Variants in DNAI1 observed in about 807,000 individuals in gnomAD.
DNAI1 encodes the protein dynein axonemal intermediate chain 1.
Under a neutral mutation model 92.0 loss-of-function variants are expected in DNAI1, and 67 were observed. The observed-to-expected ratio is 0.73, with a 90% confidence interval of 0.60 to 0.89. The LOEUF is 0.89. Ranked by LOEUF, DNAI1 falls within the 40% of genes least tolerant of loss-of-function variation. The pLI, the probability that DNAI1 is intolerant of heterozygous loss-of-function variation, is 0.00. For synonymous variants in DNAI1, 323 were observed against 319.6 expected, an observed-to-expected ratio of 1.01 and a Z score of -0.11; for missense variants, 839 against 866.6, an observed-to-expected ratio of 0.97 and a Z score of 0.40.
At chr9:34,473,271 A>AGCT (rs1824174172) in intron 1 of DNAI1, among the ~76,000 whole-genome samples, 1 of 126,586 alleles carries the variant, frequency 7.9e-6, no homozygotes, top group African/African-American at 3.3e-5. Context: ...GGCTAAATCA[A>AGCT]GCTTATTATT....
At chr9:34,490,171 G>T in intron 6 of DNAI1, 47 bp downstream of exon 6, 1 of 1,613,488 alleles carries the variant, frequency 6.2e-7, no homozygotes, top group Non-Finnish European at 8.5e-7. Context: ...AGCTCAAGCT[G>T]TGGATGGAGG....
intron 1 of DNAI1, among the ~76,000 whole-genome samples, chr9:34,481,494 A>G (rs548258549): frequency 4.3e-4 from 65 of 152,224 alleles, no homozygotes; most frequent in African/African-American, 1.1e-3. Context: ...GGAAGGCTCA[A>G]CCTCCTTTTG....
At chr9:34,479,627 G>A (rs1456693363) in intron 1 of DNAI1, among the ~76,000 whole-genome samples, 2 of 152,142 alleles carry the variant, frequency 1.3e-5, no homozygotes, top group African/African-American at 2.4e-5. Flanking sequence ...GGTTTGGGTT[G>A]GGATTGGCCC....
intron 1 of DNAI1, among the ~76,000 whole-genome samples, chr9:34,474,394 C>G (rs1394824258): frequency 6.6e-6 from 1 of 151,616 alleles, no homozygotes; most frequent in Non-Finnish European, 1.5e-5. Context: ...AACACCACGC[C>G]TGGCTAATTT....
intron 1 of DNAI1, among the ~76,000 whole-genome samples, chr9:34,468,330 G>A (rs1354060854): frequency 9.3e-5 from 14 of 150,236 alleles, no homozygotes; most frequent in Admixed American, 8.0e-4. Context: ...TAAGGCGCCC[G>A]CCACCACGCC....
intron 1 of DNAI1, among the ~76,000 whole-genome samples, chr9:34,459,394 T>C (rs1823895812): frequency 6.6e-6 from 1 of 152,170 alleles, no homozygotes; most frequent in African/African-American, 2.4e-5. Flanking sequence ...CCTTCCTCCT[T>C]GTTCTCACAT....
chr9:34,513,621 G>A (rs1048311413), intron 16 of DNAI1, among the ~76,000 whole-genome samples: 1 of 152,224 alleles, frequency 6.6e-6, no homozygotes, highest in Non-Finnish European at 1.5e-5. Context: ...GGTCTCAGTG[G>A]TAGTAGGTGA....
At chr9:34,462,330 C>T (rs1201185298) in intron 1 of DNAI1, among the ~76,000 whole-genome samples, 1 of 152,158 alleles carries the variant, frequency 6.6e-6, no homozygotes, top group Non-Finnish European at 1.5e-5. Context: ...CTAGTCTACT[C>T]CACCCTACCC....
intron 9 of DNAI1, 112 bp downstream of exon 9, chr9:34,493,440 G>T: frequency 1.4e-6 from 2 of 1,417,758 alleles, no homozygotes; most frequent in Non-Finnish European, 2.0e-6. Context: ...TTAAATCAGG[G>T]ACTAATGTTG....
At chr9:34,515,991 G>GA (rs1216081527) in intron 18 of DNAI1, among the ~76,000 whole-genome samples, 1 of 151,766 alleles carries the variant, frequency 6.6e-6, no homozygotes, top group Non-Finnish European at 1.5e-5. Context: ...CAATGAAAAA[G>GA]AAAAAAAGAA....
In DNAI1 at chr9:34,497,165, G is replaced by C. The variant is rs772094952; in HGVS notation, c.867G>C (p.Met289Ile). 1.2e-6 allele frequency: 2 copies of C among 1,613,974 alleles called. No individual in the cohort carries two copies. The highest frequency in any genetic ancestry group is 2.7e-5 in the African/African-American group (2 of 74,932). The part of the protein sequence containing the change: ...LSQAAKIMER[M>I]VNQNTYDDIA... ...AAGCTGCTAAGATCATGGAGCGGAT[G>C]GTCAACCAGAATACATATGATGACA... is the stretch of plus-strand genomic sequence containing the variant. The change falls in exon 10 of 20, where the codon ATG becomes ATC. Residue 289 changes from methionine (M) to isoleucine (I), a missense_variant. Physicochemically the swap from Met to Ile is conservative, Grantham distance 10. Transcript: ENST00000242317.
chr9:34,481,724 G>A (rs557063136), intron 1 of DNAI1, among the ~76,000 whole-genome samples: 4 of 152,200 alleles, frequency 2.6e-5, no homozygotes, highest in African/African-American at 9.6e-5. Flanking sequence ...TTAAGATAGC[G>A]CGTCTGGAGT....
intron 1 of DNAI1, among the ~76,000 whole-genome samples, chr9:34,466,053 G>A (rs1313813078): frequency 1.3e-5 from 2 of 152,242 alleles, no homozygotes; most frequent in East Asian, 3.9e-4. Context: ...TTCCTCTTTA[G>A]CCGTCATCCG....
At chr9:34,500,276 T>A (rs956146328) in intron 10 of DNAI1, among the ~76,000 whole-genome samples, 2 of 152,108 alleles carry the variant, frequency 1.3e-5, no homozygotes, top group African/African-American at 2.4e-5. Flanking sequence ...GCTGTGGATA[T>A]GAAAATGGGC....
chr9:34,504,736 C>T (rs1824892489), intron 12 of DNAI1, among the ~76,000 whole-genome samples: 1 of 152,232 alleles, frequency 6.6e-6, no homozygotes. Context: ...AGCTCGGCAC[C>T]ATGGCCTCTG....
intron 4 of DNAI1, chr9:34,487,980 AGAG>A: frequency 3.5e-6 from 1 of 289,614 alleles, no homozygotes; most frequent in Middle Eastern, 4.1e-4. Context: ...CCTAAACTGA[AGAG>A]GAAGATCCCA....
intron 18 of DNAI1, among the ~76,000 whole-genome samples, chr9:34,515,838 C>T (rs931686631): frequency 2.2e-4 from 33 of 152,150 alleles, no homozygotes; most frequent in African/African-American, 7.0e-4. Flanking sequence ...GTTCTAAAAT[C>T]GGTTGTAGAG....
chr9:34,468,004 T>C (rs1253790395), intron 1 of DNAI1, among the ~76,000 whole-genome samples: 1 of 152,208 alleles, frequency 6.6e-6, no homozygotes, highest in African/African-American at 2.4e-5. Context: ...GTTATAAATA[T>C]ATTTATGGAC....
chr9:34,516,246 A>T (rs558747570), intron 18 of DNAI1, among the ~76,000 whole-genome samples: 11 of 152,302 alleles, frequency 7.2e-5, no homozygotes, highest in South Asian at 4.1e-4. Context: ...GGGCGAGAAC[A>T]TGAGGTGAGA....
Sources: gnomAD v4.1 joint callset for allele counts (sites outside exome capture counted in the v4.1 genomes callset) on GRCh38, gnomAD v4.1.1 for gene constraint, MANE v1.5 for transcripts, NCBI Gene and HGNC (gene_info 2026-07-23, HGNC 2026-07-21) for gene names.